NAALADL2: variants seen among roughly 807,000 people sequenced by gnomAD.
The protein encoded by NAALADL2 is N-acetylated alpha-linked acidic dipeptidase like 2.
Under a neutral mutation model 87.2 loss-of-function variants are expected in NAALADL2, and 76 were observed. The ratio of observed to expected loss-of-function variants is 0.87; its 90% CI spans 0.72 to 1.05. The LOEUF is 1.05. Ranked by LOEUF, NAALADL2 falls within the 50% of genes least tolerant of loss-of-function variation. The pLI is 0.00. For missense variants in NAALADL2, 1,089 were observed against 945.8 expected (o/e 1.15, Z -1.99); for synonymous variants, 354 against 331.0 (o/e 1.07, Z -0.75).
chr3:174,633,240 T>TGC (rs1722322885), intron 2 of NAALADL2, among the ~76,000 whole-genome samples: 1 of 152,168 alleles, frequency 6.6e-6, no homozygotes, highest in Non-Finnish European at 1.5e-5. Context: ...CAGATACATT[T>TGC]ATGTTTTTTC....
intron 3 of NAALADL2, among the ~76,000 whole-genome samples, chr3:174,779,943 T>TTGGC (rs759302214): frequency 5.0e-4 from 76 of 152,290 alleles, no homozygotes; most frequent in Non-Finnish European, 7.4e-4. Context: ...TAGGGTTGTC[T>TTGGC]TGGCTATACA....
At chr3:175,276,876 C>T (rs1418005147) in intron 4 of NAALADL2, among the ~76,000 whole-genome samples, 1 of 152,048 alleles carries the variant, frequency 6.6e-6, no homozygotes, top group Non-Finnish European at 1.5e-5. Context: ...ACTCACTTCA[C>T]CTCACCACCT....
At chr3:175,142,345 G>A (rs993697127) in intron 2 of NAALADL2, among the ~76,000 whole-genome samples, 9 of 152,014 alleles carry the variant, frequency 5.9e-5, no homozygotes, top group Admixed American at 1.3e-4. Context: ...ATTTTCAAAT[G>A]TGCTTTTGCT....
At chr3:175,775,473 A>C (rs934321040) in intron 13 of NAALADL2, among the ~76,000 whole-genome samples, 22 of 152,134 alleles carry the variant, frequency 1.4e-4, no homozygotes, top group Non-Finnish European at 3.1e-4. Context: ...CATTAAAACA[A>C]ACAAATGAAC....
intron 10 of NAALADL2, among the ~76,000 whole-genome samples, chr3:175,580,019 T>C (rs533691524): frequency 6.6e-6 from 1 of 152,142 alleles, no homozygotes; most frequent in East Asian, 1.9e-4. Flanking sequence ...ACCTCTATAA[T>C]AGAGCATTTA....
chr3:174,500,984 G>A (rs1467669586), intron 1 of NAALADL2, among the ~76,000 whole-genome samples: 12 of 151,622 alleles, frequency 7.9e-5, no homozygotes, highest in Non-Finnish European at 1.5e-5. Flanking sequence ...AGCCTTCCGA[G>A]TAGCTGGGAT....
chr3:175,159,718 T>G (rs564923671), intron 2 of NAALADL2, among the ~76,000 whole-genome samples: 16 of 152,302 alleles, frequency 1.1e-4, no homozygotes, highest in African/African-American at 3.6e-4. Context: ...TAAGTAGTTT[T>G]GTGGCAGTTT....
intron 10 of NAALADL2, among the ~76,000 whole-genome samples, chr3:175,582,948 A>C (rs888819299): frequency 3.9e-5 from 6 of 152,110 alleles, no homozygotes; most frequent in Non-Finnish European, 7.4e-5. Flanking sequence ...AGGTTCAGTG[A>C]TATGCTTGCG....
chr3:174,962,722 AG>A (rs1483980108), intron 1 of NAALADL2, among the ~76,000 whole-genome samples: 1 of 152,068 alleles, frequency 6.6e-6, no homozygotes. Context: ...GATGCTCAAT[AG>A]TCAAAAGTGA....
chr3:175,203,669 C>T (rs1022166176), intron 2 of NAALADL2, among the ~76,000 whole-genome samples: 1 of 151,912 alleles, frequency 6.6e-6, no homozygotes. Context: ...ATGATAATCT[C>T]TCATAAATAA....
chr3:174,493,491 G>A (rs6764096), intron 1 of NAALADL2, among the ~76,000 whole-genome samples: 2,548 of 152,210 alleles, frequency 0.017, 82 homozygotes, highest in African/African-American at 0.052. Context: ...AAGGAACCAC[G>A]CTGATAATAG....
At chr3:174,535,337 A>G (rs184491038) in intron 1 of NAALADL2, among the ~76,000 whole-genome samples, 3 of 152,306 alleles carry the variant, frequency 2.0e-5, no homozygotes, top group Admixed American at 1.3e-4. Flanking sequence ...ATAGGAATAC[A>G]GTATTAGTCC....
intron 11 of NAALADL2, among the ~76,000 whole-genome samples, chr3:175,723,625 T>G (rs1184956689): frequency 6.6e-6 from 1 of 152,102 alleles, no homozygotes; most frequent in East Asian, 1.9e-4. Context: ...ATCACGGTGT[T>G]TCTCTAAAAA....
At chr3:174,957,632 T>C (rs1741348203) in intron 1 of NAALADL2, among the ~76,000 whole-genome samples, 1 of 151,912 alleles carries the variant, frequency 6.6e-6, no homozygotes, top group South Asian at 2.1e-4. Context: ...TTGATTTCAT[T>C]CCAAGAAACA....
Position 175,295,942 on chromosome 3 carries a change from T to C in NAALADL2, c.940-28233T>C, listed in dbSNP as rs531767858. 3.3e-5 allele frequency among the ~76,000 whole-genome samples: 5 copies of C among 152,096 alleles called. No individual in the cohort carries two copies. In the East Asian group the frequency reaches 9.7e-4, roughly 30 times the overall value. ...TCATGCCAACCCAGGCTAGTCTCACTTTTGTGTTTGCTGATGTTGTATCTT... is the reference window on the plus strand; with the variant it reads ...TCATGCCAACCCAGGCTAGTCTCACCTTTGTGTTTGCTGATGTTGTATCTT... On this transcript the variant is annotated intron_variant, in intron 4 of 13. Transcript: ENST00000454872.
At chr3:175,497,660 TA>T (rs148601648) in intron 9 of NAALADL2, among the ~76,000 whole-genome samples, 3,822 of 150,524 alleles carry the variant, frequency 0.025, 170 homozygotes, top group African/African-American at 0.091. Flanking sequence ...TTCTTTTTTT[TA>T]TTTTTTTCCT....
At chr3:175,058,182 G>T (rs889715746) in intron 1 of NAALADL2, among the ~76,000 whole-genome samples, 8 of 152,124 alleles carry the variant, frequency 5.3e-5, no homozygotes, top group Non-Finnish European at 1.2e-4. Context: ...ACCATTGTTA[G>T]TTTGAAGGAA....
At chr3:175,751,584 G>C (rs1339959019) in intron 12 of NAALADL2, among the ~76,000 whole-genome samples, 1 of 152,068 alleles carries the variant, frequency 6.6e-6, no homozygotes, top group East Asian at 1.9e-4. Flanking sequence ...GTAGTATTAA[G>C]TAACTTATTC....
In NAALADL2 at chr3:175,008,899, G is replaced by A. The variant is rs1387103893; in HGVS notation, c.44-87891G>A. 7.2e-5 allele frequency among the ~76,000 whole-genome samples: 11 copies of A among 152,078 alleles called. 1 individual carries two copies. Among genetic ancestry groups the A allele is most frequent in the Admixed American group, 7.2e-4 (11 of 15,252 alleles). On this transcript the variant is annotated intron_variant, in intron 1 of 13. Coordinates refer to ENST00000454872, the MANE Select transcript of NAALADL2 (RefSeq NM_207015.3). ...TAAGTTCAGTAAGATGCAAAGGAAA[G>A]GTTGTTTTGTTTTAAATAAATGCTG...
Sources: gnomAD v4.1 joint callset for allele counts (sites outside exome capture counted in the v4.1 genomes callset) on GRCh38, gnomAD v4.1.1 for gene constraint, MANE v1.5 for transcripts, NCBI Gene and HGNC (gene_info 2026-07-23, HGNC 2026-07-21) for gene names.